Variants in UCMA observed in about 807,000 individuals in gnomAD.
The protein encoded by UCMA is upper zone of growth plate and cartilage matrix associated, also known as upper zone of growth plate and cartilage matrix-associated protein.
UCMA carries 21 observed loss-of-function variants against 21.8 expected under a neutral mutation model. That is an observed-to-expected ratio of 0.97 (90% CI 0.68 to 1.39). The LOEUF is 1.39. UCMA is among the 40% of genes most tolerant of loss of function. UCMA has a pLI of 0.00. For synonymous variants in UCMA, 76 were observed against 67.9 expected (o/e 1.12, Z -0.58); for missense variants, 193 against 178.9 (o/e 1.08, Z -0.45).
In UCMA at chr10:13,233,530, A is replaced by T. The variant is rs776017953; in HGVS notation, c.220+8T>A. The T allele has an allele frequency of 1.9e-5, 30 of 1,612,970 alleles. No individual in the cohort carries two copies. Among genetic ancestry groups the T allele is most frequent in the African/African-American group, 2.7e-5 (2 of 74,832 alleles). On this transcript the variant is annotated splice_region_variant and intron_variant, in intron 3 of 4. Coordinates refer to ENST00000378681, the MANE Select transcript of UCMA (RefSeq NM_145314.3). ...GGACGCGGGATGGGGTCCCTCCAGC[A>T]TCCTTACCATTGACCTCATCTCTGG...
intron 3 of UCMA, among the ~76,000 whole-genome samples, chr10:13,232,919 C>T (rs186042598): frequency 2.7e-5 from 4 of 149,604 alleles, no homozygotes; most frequent in African/African-American, 7.3e-5. Context: ...CAGGCTCACC[C>T]CAATGTGTTG....
Position 13,229,693 on chromosome 10 carries a change from C to T in UCMA, c.237G>A (p.Lys79=). 6.2e-7 allele frequency: 1 copy of T among 1,614,062 alleles called. No individual in the cohort carries two copies. Among genetic ancestry groups the T allele is most frequent in the South Asian group, 1.1e-5 (1 of 91,068 alleles). The change falls in exon 4 of 5, where the codon AAG becomes AAA. Residue 79 remains lysine (K), a synonymous_variant. Coordinates refer to ENST00000378681, the MANE Select transcript of UCMA (RefSeq NM_145314.3). ...RDEVNVENRQ[K]LRVDELRREY... ...CTCTCCGCAGCTCATCAACCCGAAG[C>T]TTCTGCCTGTTTTCCACTGTGAAAG...
chr10:13,233,655 T>G (rs1458848315), intron 2 of UCMA, 22 bp from the exon 3 acceptor site: 2 of 1,613,908 alleles, frequency 1.2e-6, no homozygotes, highest in Non-Finnish European at 1.7e-6. Flanking sequence ...GAGAGGCCTG[T>G]CACCAGCAGT....
intron 3 of UCMA, among the ~76,000 whole-genome samples, chr10:13,232,190 A>G (rs114424197): frequency 0.089 from 13,586 of 151,980 alleles, 766 homozygotes; most frequent in South Asian, 0.24. Context: ...CCTGGCCATC[A>G]TGGCAAAATT....
intron 3 of UCMA, among the ~76,000 whole-genome samples, chr10:13,231,177 C>G (rs183564481): frequency 6.6e-6 from 1 of 152,268 alleles, no homozygotes; most frequent in East Asian, 1.9e-4. Context: ...GATTAAAAAT[C>G]AAGTTATCTG....
At chr10:13,226,842 C>T (rs553955769) in intron 4 of UCMA, among the ~76,000 whole-genome samples, 2 of 152,246 alleles carry the variant, frequency 1.3e-5, no homozygotes, top group Admixed American at 6.5e-5. Context: ...CTGCAGGCGC[C>T]CAACCCTGCA....
intron 3 of UCMA, 73 bp downstream of exon 3, chr10:13,233,464 TG>T: frequency 8.1e-7 from 1 of 1,227,214 alleles, no homozygotes; most frequent in Non-Finnish European, 1.2e-6. Flanking sequence ...CGGCTGACTG[TG>T]GGAGAGGAGG....
Position 13,233,595 on chromosome 10 carries a change from A to G in UCMA, c.163T>C (p.Ser55Pro). The change falls in exon 3 of 5, where the codon TCG becomes CCG. Residue 55 changes from serine to proline, a missense_variant. Coordinates refer to ENST00000378681, the MANE Select transcript of UCMA (RefSeq NM_145314.3). ...QKIFMQESDASNFLKRRGKRS... is the reference protein window; with the variant it reads ...QKIFMQESDAPNFLKRRGKRS... ...TTGCCGCGCCTCTTGAGGAAATTCG[A>G]GGCATCTGATTCCTGCATGAAAATC... 4 of 1,614,002 alleles carry G rather than the reference A, an allele frequency of 2.5e-6. No homozygotes were observed. The highest frequency in any genetic ancestry group is 2.5e-6 in the Non-Finnish European group (3 of 1,180,010).
At chr10:13,226,221 G>T (rs1012283893) in intron 4 of UCMA, among the ~76,000 whole-genome samples, 6 of 147,598 alleles carry the variant, frequency 4.1e-5, no homozygotes, top group African/African-American at 1.5e-4. Context: ...TTTGAGACAG[G>T]GTCTTGCTCT....
At chr10:13,231,430 C>T (rs1834897928) in intron 3 of UCMA, among the ~76,000 whole-genome samples, 1 of 152,206 alleles carries the variant, frequency 6.6e-6, no homozygotes, top group South Asian at 2.1e-4. Flanking sequence ...CAGGTTCCCA[C>T]ACGCCACTGC....
intron 3 of UCMA, 112 bp from the exon 4 acceptor site, chr10:13,229,821 T>C: frequency 1.2e-6 from 1 of 811,876 alleles, no homozygotes; most frequent in Non-Finnish European, 2.0e-6. Context: ...GGATGAGTGG[T>C]TTGTGGGGGA....
At chr10:13,229,517 A>G in intron 4 of UCMA, 94 bp downstream of exon 4, 2 of 1,234,648 alleles carry the variant, frequency 1.6e-6, no homozygotes, top group Non-Finnish European at 2.3e-6. Context: ...AAAAAAGAAA[A>G]AAAAAAAAAG....
chr10:13,229,629 C>T lies in UCMA; in HGVS notation c.301G>A (p.Val101Met), dbSNP rs74123515. The T allele has an allele frequency of 4.1e-4, 669 of 1,614,100 alleles. 3 individuals are homozygous for T. In the African/African-American group the frequency reaches 8.0e-3, roughly 19 times the overall value. ...CTCTTACCATCGTTTTGTTCCTCCA[C>T]GAAGTTCTCAAATTCATTCCTTTGT... The part of the protein sequence containing the change: ...EEQRNEFENF[V>M]EEQNDEQEER... Residue 101 changes from valine to methionine, a missense_variant, in exon 4 of 5, where the codon GTG becomes ATG. Physicochemically the swap from Val to Met is conservative, Grantham distance 21. Coordinates refer to ENST00000378681, the MANE Select transcript of UCMA (RefSeq NM_145314.3).
chr10:13,226,143 C>T lies in UCMA; in HGVS notation c.319+3468G>A, dbSNP rs898535277. 1.1e-4 allele frequency among the ~76,000 whole-genome samples: 16 copies of T among 152,006 alleles called. No homozygotes were observed. In the East Asian group the frequency reaches 3.1e-3, roughly 29 times the overall value. On this transcript the variant is annotated intron_variant, in intron 4 of 4. Coordinates refer to ENST00000378681, the MANE Select transcript of UCMA (RefSeq NM_145314.3). ...TGCTAGGGCTATCTACTAGCCTCGTCTCCTTGAGTATACATGTATCCTTTC... is the reference window on the plus strand; with the variant it reads ...TGCTAGGGCTATCTACTAGCCTCGTTTCCTTGAGTATACATGTATCCTTTC...
At chr10:13,230,347 G>A (rs1300977566) in intron 3 of UCMA, among the ~76,000 whole-genome samples, 1 of 152,118 alleles carries the variant, frequency 6.6e-6, no homozygotes, top group African/African-American at 2.4e-5. Context: ...CTGCTTAAGA[G>A]ACCTATAATT....
At position 13,222,135 on chromosome 10, in the gene UCMA, G is replaced by A; in HGVS notation, c.385C>T (p.Pro129Ser). 6.2e-7 allele frequency: 1 copy of A among 1,614,178 alleles called. No homozygotes were observed. Among genetic ancestry groups the A allele is most frequent in the African/African-American group, 1.3e-5 (1 of 75,056 alleles). ...TGGTGGCGGTTGTAGAGATAGGATG[G>A]GTGCAGGCCGTCATAGTGCCACTGG... The part of the protein sequence containing the change: ...WRQWHYDGLH[P>S]SYLYNRHHT The change falls in exon 5 of 5, where the codon CCA becomes TCA. Residue 129 changes from proline to serine, a missense_variant. Physicochemically the swap from Pro to Ser is moderately conservative, Grantham distance 74. Coordinates refer to ENST00000378681, the MANE Select transcript of UCMA (RefSeq NM_145314.3).
At chr10:13,229,480 T>C in intron 4 of UCMA, 131 bp downstream of exon 4, 1 of 748,300 alleles carries the variant, frequency 1.3e-6, no homozygotes. Flanking sequence ...CATTCCAGCC[T>C]GGGCAACAGA....
chr10:13,223,806 C>A (rs1430363012), intron 4 of UCMA, among the ~76,000 whole-genome samples: 1 of 152,030 alleles, frequency 6.6e-6, no homozygotes, highest in African/African-American at 2.4e-5. Context: ...ACTGCCTCGG[C>A]CTTCCAAAGC....
intron 4 of UCMA, among the ~76,000 whole-genome samples, chr10:13,223,360 CCA>C (rs1321677570): frequency 6.6e-6 from 1 of 152,092 alleles, no homozygotes; most frequent in African/African-American, 2.4e-5. Context: ...GGAAACAACC[CCA>C]GTGTCCCTCA....
Sources: allele counts gnomAD v4.1 joint callset (sites outside exome capture counted in the v4.1 genomes callset), GRCh38; gene constraint gnomAD v4.1.1; transcripts MANE v1.5; gene names NCBI Gene and HGNC (gene_info 2026-07-23, HGNC 2026-07-21).